Variants in SH3KBP1 observed in about 807,000 individuals in gnomAD.
SH3KBP1 encodes the protein SH3 domain containing kinase binding protein 1.
In SH3KBP1, 8 loss-of-function variants were observed where a neutral mutation model predicts 50.1. The ratio of observed to expected loss-of-function variants is 0.16; its 90% CI spans 0.09 to 0.29. The LOEUF (loss-of-function observed/expected upper bound fraction) is 0.29. SH3KBP1 is among the 10% of genes least tolerant of loss of function. The pLI is 1.00. For synonymous variants in SH3KBP1, 227 were observed against 218.6 expected (o/e 1.04, Z -0.34); for missense variants, 377 against 535.2 (o/e 0.70, Z 2.92).
Position 19,867,761 on chromosome X carries a change from G to C in SH3KBP1, c.4+19546C>G, listed in dbSNP as rs868866363. On this transcript the variant is annotated intron_variant, in intron 1 of 17. Transcript: ENST00000397821. ...TGCAGACTCCTAAGTTATCACCACA[G>C]AAAGTTTGTCCTATCTTATATACAA... is the stretch of plus-strand genomic sequence containing the variant. Among the ~76,000 whole-genome samples, 15 of 111,317 alleles carry C rather than the reference G, an allele frequency of 1.3e-4. No homozygotes were observed. The Middle Eastern group carries it at 0.014, about 103-fold the overall frequency.
intron 6 of SH3KBP1, among the ~76,000 whole-genome samples, chrX:19,668,976 T>TATATATA (rs1569405166): frequency 1.8e-4 from 11 of 60,629 alleles, no homozygotes; most frequent in Non-Finnish European, 2.6e-4. Flanking sequence ...ATATATATAT[T>TATATATA]TTTTGAGACA....
chrX:19,715,416 C>G (rs1250953187), intron 3 of SH3KBP1, among the ~76,000 whole-genome samples: 1 of 111,410 alleles, frequency 9.0e-6, no homozygotes, highest in Non-Finnish European at 1.9e-5. Flanking sequence ...TGGGTGTTCA[C>G]TGTACTATTG....
Position 19,594,328 on chromosome X carries a change from T to C in SH3KBP1, c.1057+621A>G, listed in dbSNP as rs777576830. On this transcript the variant is annotated intron_variant, in intron 10 of 17. Transcript: ENST00000397821. The stretch of plus-strand genomic sequence containing the variant: ...ATCCAGTGTGAAACAAGCTACCAAA[T>C]GTTCAACATCAATTCTTCCTATATT... 4.5e-5 allele frequency among the ~76,000 whole-genome samples: 5 copies of C among 112,295 alleles called. No homozygotes were observed. The East Asian group carries it at 1.4e-3, about 31-fold the overall frequency.
chrX:19,647,680 CAA>C (rs1479459938), intron 6 of SH3KBP1, among the ~76,000 whole-genome samples: 1 of 111,357 alleles, frequency 9.0e-6, no homozygotes, highest in Non-Finnish European at 1.9e-5. Flanking sequence ...TAGAATATGG[CAA>C]AGTTTCTCCC....
At chrX:19,639,634 G>C (rs746823126) in intron 7 of SH3KBP1, among the ~76,000 whole-genome samples, 2 of 111,468 alleles carry the variant, frequency 1.8e-5, no homozygotes, top group Admixed American at 1.9e-4. Context: ...CTGTATTGGG[G>C]AGCAAGTGAT....
chrX:19,835,235 G>A (rs2068027547), intron 2 of SH3KBP1, among the ~76,000 whole-genome samples: 1 of 111,611 alleles, frequency 9.0e-6, no homozygotes, highest in Non-Finnish European at 1.9e-5. Context: ...CTGGGCTCAA[G>A]TGATCTTCCC....
chrX:19,765,151 T>C (rs1362991262), intron 2 of SH3KBP1, among the ~76,000 whole-genome samples: 1 of 110,101 alleles, frequency 9.1e-6, no homozygotes, highest in East Asian at 2.8e-4. Flanking sequence ...CAGCTCTTAA[T>C]CAGAGTTCCA....
At chrX:19,675,641 T>C (rs1032215377) in intron 6 of SH3KBP1, among the ~76,000 whole-genome samples, 1 of 111,421 alleles carries the variant, frequency 9.0e-6, no homozygotes, top group African/African-American at 3.3e-5. Context: ...CCTGAACTCA[T>C]GATCCACCTG....
At chrX:19,669,322 A>ATT (rs1569405521) in intron 6 of SH3KBP1, among the ~76,000 whole-genome samples, 10 of 98,627 alleles carry the variant, frequency 1.0e-4, no homozygotes, top group African/African-American at 4.3e-4. Context: ...TAATAATAAT[A>ATT]ATAATTATTA....
chrX:19,567,518 CAAAAAAAAAAAAAAAAAAAAAAAAA>C lies in SH3KBP1; in HGVS notation c.1384+1560_1384+1584del, dbSNP rs869158450. The stretch of plus-strand genomic sequence containing the variant: ...TGGGTGACAGAGCAAGACTCCATCT[CAAAAAAAAAAAAAAAAAAAAAAAAA>C]AAAAAAAAAAAAAAATATATATATA... On this transcript the variant is annotated intron_variant, in intron 13 of 17. Coordinates refer to ENST00000397821, the MANE Select transcript of SH3KBP1 (RefSeq NM_031892.3). Among the ~76,000 whole-genome samples, 6 of 7,272 alleles carry C rather than the reference CAAAAAAAAAAAAAAAAAAAAAAAAA, an allele frequency of 8.3e-4. No homozygotes were observed. The East Asian group carries it at 0.035, about 42-fold the overall frequency. 6.3% of individuals were successfully genotyped at this position (7,272 alleles called of 115,157 possible).
At chrX:19,581,296 C>A (rs2066364865) in intron 12 of SH3KBP1, among the ~76,000 whole-genome samples, 1 of 111,976 alleles carries the variant, frequency 8.9e-6, no homozygotes, top group Admixed American at 9.5e-5. Flanking sequence ...AAAGATAAGT[C>A]TTCATCCTGA....
chrX:19,817,904 G>C (rs1232934480), intron 2 of SH3KBP1, among the ~76,000 whole-genome samples: 2 of 111,887 alleles, frequency 1.8e-5, no homozygotes, highest in Non-Finnish European at 3.8e-5. Flanking sequence ...CAAAATGCTG[G>C]GATTACAGGT....
intron 2 of SH3KBP1, among the ~76,000 whole-genome samples, chrX:19,776,497 T>TA (rs1280971620): frequency 3.9e-5 from 4 of 103,665 alleles, no homozygotes; most frequent in Non-Finnish European, 7.8e-5. Context: ...GAATTTTTTT[T>TA]AAAAAAAGAA....
chrX:19,635,219 C>T (rs2061672592), intron 7 of SH3KBP1, among the ~76,000 whole-genome samples: 1 of 111,854 alleles, frequency 8.9e-6, no homozygotes. Context: ...TACATATACA[C>T]CATGGAATAC....
At chrX:19,760,025 T>C (rs1170177443) in intron 2 of SH3KBP1, among the ~76,000 whole-genome samples, 2 of 65,478 alleles carry the variant, frequency 3.1e-5, no homozygotes, top group Non-Finnish European at 5.5e-5. Flanking sequence ...CTCTCTCTCC[T>C]CTCTCTCTCT....
intron 4 of SH3KBP1, among the ~76,000 whole-genome samples, chrX:19,703,146 C>G (rs747583740): frequency 8.9e-6 from 1 of 112,092 alleles, no homozygotes; most frequent in East Asian, 2.8e-4. Context: ...AGACTCGCTC[C>G]TGCCAGGTGA....
At chrX:19,668,026 A>G (rs2062651649) in intron 6 of SH3KBP1, among the ~76,000 whole-genome samples, 2 of 111,031 alleles carry the variant, frequency 1.8e-5, no homozygotes, top group Non-Finnish European at 3.8e-5. Context: ...TATCCTTGGG[A>G]GATTGTTTCA....
chrX:19,827,082 A>G (rs1197422216), intron 2 of SH3KBP1, among the ~76,000 whole-genome samples: 1 of 111,775 alleles, frequency 8.9e-6, no homozygotes, highest in African/African-American at 3.3e-5. Flanking sequence ...CAACCACTTT[A>G]AACAAATATC....
chrX:19,726,496 T>A (rs1052093980), intron 3 of SH3KBP1, among the ~76,000 whole-genome samples: 1 of 111,346 alleles, frequency 9.0e-6, no homozygotes, highest in African/African-American at 3.3e-5. Context: ...TTTTAACTTT[T>A]ATTTTAGGTT....
Sources: gnomAD v4.1 joint callset for allele counts (sites outside exome capture counted in the v4.1 genomes callset) on GRCh38, gnomAD v4.1.1 for gene constraint, MANE v1.5 for transcripts, NCBI Gene and HGNC (gene_info 2026-07-23, HGNC 2026-07-21) for gene names.